Variants in ITLN2 observed in about 807,000 individuals in gnomAD.
ITLN2 encodes the protein intelectin 2.
A neutral mutation model predicts 39.4 loss-of-function variants in ITLN2; 29 were observed. The observed-to-expected ratio is 0.74, with a 90% CI of 0.55 to 1.00. The LOEUF (loss-of-function observed/expected upper bound fraction) is 1.00, where lower values mean the gene tolerates loss of function less well. Ranked by LOEUF, ITLN2 falls within the 50% of genes least tolerant of loss-of-function variation. ITLN2 has a pLI of 0.00. For synonymous variants in ITLN2, 156 were observed against 153.4 expected, an observed-to-expected ratio of 1.02 and a Z score of -0.12; for missense variants, 412 against 416.7, an observed-to-expected ratio of 0.99 and a Z score of 0.10.
At chr1:160,953,120 A>G (rs1351758981) in intron 2 of ITLN2, among the ~76,000 whole-genome samples, 1 of 152,126 alleles carries the variant, frequency 6.6e-6, no homozygotes, top group African/African-American at 2.4e-5. Flanking sequence ...GAGCAGGCTG[A>G]TTTTGATGGG....
intron 6 of ITLN2, chr1:160,949,049 A>C (rs1232936351): frequency 1.3e-5 from 2 of 152,160 alleles, no homozygotes; most frequent in Admixed American, 1.3e-4. Flanking sequence ...GTGGCAGGAC[A>C]ATAGGGTAAT....
intron 6 of ITLN2, chr1:160,948,916 T>C (rs1671668990): frequency 6.6e-6 from 1 of 152,078 alleles, no homozygotes; most frequent in Non-Finnish European, 1.5e-5. Context: ...CGACAAAGTA[T>C]AGAGAAAGAA....
chr1:160,954,379 C>T lies in ITLN2; in HGVS notation c.79+8G>A. 6.4e-7 allele frequency: 1 copy of T among 1,563,556 alleles called. No homozygotes were observed. The highest frequency in any genetic ancestry group is 8.7e-7 in the Non-Finnish European group (1 of 1,150,918). On this transcript the variant is annotated splice_region_variant and intron_variant, in intron 2 of 7. Transcript: ENST00000368029. ...AAACTGCAGCTCCTACTCTCAGAAG[C>T]CATTTACCTGCACTGCACCCACTGG...
At chr1:160,952,757 C>T (rs756959695) in intron 2 of ITLN2, 24 bp from the exon 3 acceptor site, 8 of 1,549,710 alleles carry the variant, frequency 5.2e-6, no homozygotes, top group Non-Finnish European at 7.1e-6. Context: ...GAATGAGTCT[C>T]ATTAGAAGTC....
At chr1:160,948,238 T>C (rs1430686390) in intron 6 of ITLN2, among the ~76,000 whole-genome samples, 2 of 152,070 alleles carry the variant, frequency 1.3e-5, no homozygotes, top group Non-Finnish European at 2.9e-5. Context: ...CCTCTGTTCA[T>C]AGGGGGCAAG....
At position 160,951,042 on chromosome 1, in the gene ITLN2, C is replaced by T. The variant is rs747081837; in HGVS notation, c.441+1G>A. The T allele has an allele frequency of 6.2e-7, 1 of 1,614,130 alleles. No individual in the cohort carries two copies. Among genetic ancestry groups the T allele is most frequent in the Non-Finnish European group, 8.5e-7 (1 of 1,180,058 alleles). On this transcript the variant is annotated splice_donor_variant, in intron 4 of 7. Transcript: ENST00000368029. LOFTEE classifies it high-confidence loss of function. Reference sequence around the variant, plus strand: ...CCAAGTAGGAGAGAAGTGGCACCAACCTTGTAGTCATCGCTCGTGGCCGCC... The same window carrying T: ...CCAAGTAGGAGAGAAGTGGCACCAATCTTGTAGTCATCGCTCGTGGCCGCC...
chr1:160,954,074 A>G (rs1671810316), intron 2 of ITLN2, among the ~76,000 whole-genome samples: 1 of 152,194 alleles, frequency 6.6e-6, no homozygotes, highest in Non-Finnish European at 1.5e-5. Flanking sequence ...CAAGGCCACA[A>G]GAGCAGCTGA....
intron 1 of ITLN2, 75 bp from the exon 2 acceptor site, chr1:160,954,525 T>C (rs1012927802): frequency 1.9e-5 from 26 of 1,335,358 alleles, no homozygotes; most frequent in Non-Finnish European, 2.5e-5. Context: ...CTTCCTAACC[T>C]TTCTGAGTCA....
At chr1:160,945,930 C>A (rs114292280) in intron 7 of ITLN2, among the ~76,000 whole-genome samples, 1 of 152,074 alleles carries the variant, frequency 6.6e-6, no homozygotes, top group Non-Finnish European at 1.5e-5. Flanking sequence ...TTCACGACCT[C>A]GGTGTAAGGA....
Position 160,947,981 on chromosome 1 carries a change from G to A in ITLN2, c.773C>T (p.Ala258Val), listed in dbSNP as rs1453580811. 1 of 1,613,950 alleles carries A rather than the reference G, an allele frequency of 6.2e-7. No individual in the cohort carries two copies. The highest frequency in any genetic ancestry group is 1.3e-5 in the African/African-American group (1 of 74,890). ...VQFRVFNNER[A>V]ANALCAGIKV... Reference sequence around the variant, plus strand: ...TATCCCAGCACAAAGGGCGTTGGCTGCTCTCTCGTTATTAAACACCCGGAA... The same window carrying A: ...TATCCCAGCACAAAGGGCGTTGGCTACTCTCTCGTTATTAAACACCCGGAA... The change falls in exon 7 of 8, where the codon GCA becomes GTA. Residue 258 changes from alanine to valine, a missense_variant. Transcript: ENST00000368029.
chr1:160,945,188 G>C lies in ITLN2; in HGVS notation c.930C>G (p.Ser310Arg). The C allele has an allele frequency of 6.2e-7, 1 of 1,607,758 alleles. No individual in the cohort carries two copies. ...WDGYGTHVKS[S>R]CSREITEAAV... ...CCGCCTCCGTTATCTCCCGACTGCAGCTGCTCTTAACGTGAGTTCCATATC... is the reference window on the plus strand; with the variant it reads ...CCGCCTCCGTTATCTCCCGACTGCACCTGCTCTTAACGTGAGTTCCATATC... The change falls in exon 8 of 8, where the codon AGC becomes AGG. Residue 310 changes from serine (S) to arginine (R), a missense_variant. By Grantham distance (110) the Ser-to-Arg change is moderately radical. Transcript: ENST00000368029.
At chr1:160,948,148 C>A in intron 6 of ITLN2, 116 bp from the exon 7 acceptor site, 2 of 780,606 alleles carry the variant, frequency 2.6e-6, no homozygotes. Context: ...AGCCAAACAC[C>A]CCAGGCTGTA....
rs145956567 is a variant in ITLN2, at chr1:160,954,486, G to A, written c.16-36C>T. 1.1e-5 allele frequency: 16 copies of A among 1,519,192 alleles called. No homozygotes were observed. In the African/African-American group the frequency reaches 1.4e-4, roughly 13 times the overall value. 94.1% of individuals were successfully genotyped at this position (1,519,192 alleles called of 1,614,324 possible). On this transcript the variant is annotated intron_variant, in intron 1 of 7. Coordinates refer to ENST00000368029, the MANE Select transcript of ITLN2 (RefSeq NM_080878.3). ...ACAAGATGCACAAGGTCACTGGCTG[G>A]CCCTTCCTTTGTCATCCTCTCGTTC...
Position 160,954,369 on chromosome 1 carries a change from C to A in ITLN2, c.79+18G>T. On this transcript the variant is annotated intron_variant, in intron 2 of 7. Coordinates refer to ENST00000368029, the MANE Select transcript of ITLN2 (RefSeq NM_080878.3). ...GGAGCCCAGGAAACTGCAGCTCCTA[C>A]TCTCAGAAGCCATTTACCTGCACTG... is the stretch of plus-strand genomic sequence containing the variant. The A allele has an allele frequency of 6.5e-7, 1 of 1,549,742 alleles. No homozygotes were observed. The highest frequency in any genetic ancestry group is 8.8e-7 in the Non-Finnish European group (1 of 1,140,410).
Position 160,952,726 on chromosome 1 carries a change from G to C in ITLN2, c.87C>G (p.Ala29=), listed in dbSNP as rs754873784. The C allele has an allele frequency of 6.2e-7, 1 of 1,612,376 alleles. No individual in the cohort carries two copies. The highest frequency in any genetic ancestry group is 1.7e-5 in the Admixed American group (1 of 60,016). The change falls in exon 3 of 8, where the codon GCC becomes GCG. Residue 29 remains alanine, a synonymous_variant. Coordinates refer to ENST00000368029, the MANE Select transcript of ITLN2 (RefSeq NM_080878.3). ...VATSGCSAAA[A]SSLEMLSREF... ...CCCTCGAGAGCATCTCAAGAGAAGA[G>C]GCTGCTGCTAGAAAATGTGAGAATG...
chr1:160,951,445 T>A (rs1671744031), intron 3 of ITLN2, 155 bp from the exon 4 acceptor site: 2 of 957,384 alleles, frequency 2.1e-6, no homozygotes, highest in African/African-American at 3.3e-5. Flanking sequence ...TGTGTTCTGC[T>A]CACCTATGAG....
chr1:160,950,465 G>C (rs1671714080), intron 5 of ITLN2, 88 bp downstream of exon 5: 2 of 1,466,752 alleles, frequency 1.4e-6, no homozygotes, highest in East Asian at 4.6e-5. Flanking sequence ...TAGTGATGTG[G>C]AACCACAGGA....
At chr1:160,946,080 G>A (rs551261365) in intron 7 of ITLN2, among the ~76,000 whole-genome samples, 1 of 152,136 alleles carries the variant, frequency 6.6e-6, no homozygotes, top group East Asian at 1.9e-4. Flanking sequence ...GCCAAAGTGG[G>A]CAGATTGCCT....
chr1:160,948,876 A>T (rs1267182758), intron 6 of ITLN2: 1 of 152,192 alleles, frequency 6.6e-6, no homozygotes, highest in Admixed American at 6.5e-5. Context: ...GTTGGGTGGA[A>T]CGAGAGACTG....
Sources: gnomAD v4.1 joint callset for allele counts (sites outside exome capture counted in the v4.1 genomes callset) on GRCh38, gnomAD v4.1.1 for gene constraint, MANE v1.5 for transcripts, NCBI Gene and HGNC (gene_info 2026-07-23, HGNC 2026-07-21) for gene names.